TGM6: variants seen among roughly 807,000 people sequenced by gnomAD.
TGM6 encodes transglutaminase 6, also known as protein-glutamine gamma-glutamyltransferase 6.
TGM6 carries 74 observed loss-of-function variants against 77.5 expected under a neutral mutation model. That is an observed-to-expected ratio of 0.96 (90% CI 0.79 to 1.16). The LOEUF is 1.16. Among genes scored for constraint, TGM6 ranks in the 50% most tolerant of loss-of-function variants. TGM6 has a pLI of 0.00. For missense variants in TGM6, 968 were observed against 940.2 expected, an observed-to-expected ratio of 1.03 and a Z score of -0.39; for synonymous variants, 383 against 378.9, an observed-to-expected ratio of 1.01 and a Z score of -0.12.
At chr20:2,382,717 GACTGA>G (rs1289443108) in intron 1 of TGM6, among the ~76,000 whole-genome samples, 1 of 152,124 alleles carries the variant, frequency 6.6e-6, no homozygotes, top group East Asian at 1.9e-4. Context: ...GTGCCTGAAT[GACTGA>G]GACATCAGAT....
At chr20:2,416,930 C>A (rs1379495616) in intron 9 of TGM6, among the ~76,000 whole-genome samples, 1 of 152,054 alleles carries the variant, frequency 6.6e-6, no homozygotes, top group African/African-American at 2.4e-5. Flanking sequence ...CTCTGTAGTA[C>A]CTCCTAGAGA....
chr20:2,385,339 A>G (rs1056869312), intron 1 of TGM6, among the ~76,000 whole-genome samples: 1 of 151,978 alleles, frequency 6.6e-6, no homozygotes, highest in African/African-American at 2.4e-5. Context: ...CAATCTTCAC[A>G]TCAGCACTCT....
chr20:2,413,418 C>T (rs1400514999), intron 9 of TGM6, among the ~76,000 whole-genome samples: 1 of 152,042 alleles, frequency 6.6e-6, no homozygotes, highest in Non-Finnish European at 1.5e-5. Flanking sequence ...CAAAAATAAA[C>T]AGACAAGACA....
Position 2,432,597 on chromosome 20 carries a change from C to A in TGM6, c.2075C>A (p.Pro692Gln), listed in dbSNP as rs754398234. ...GTGGACCTTGTAAGCCCTCACTTCC[C>A]GGACATCAAGGGCTTTGTGATCGTC... ...LQVDLVSPHF[P>Q]DIKGFVIVHV... Residue 692 changes from proline to glutamine, a missense_variant, in exon 13 of 13, where the codon CCG becomes CAG. By Grantham distance (76) the Pro-to-Gln change is moderately conservative. Transcript: ENST00000202625. 1 of 1,614,114 alleles carries A rather than the reference C, an allele frequency of 6.2e-7. No individual in the cohort carries two copies. Among genetic ancestry groups the A allele is most frequent in the African/African-American group, 1.3e-5 (1 of 75,018 alleles).
At chr20:2,425,453 T>A (rs1599970819) in intron 10 of TGM6, among the ~76,000 whole-genome samples, 1 of 152,148 alleles carries the variant, frequency 6.6e-6, no homozygotes, top group East Asian at 1.9e-4. Context: ...AAACTTCAAT[T>A]TGTAAAAAAT....
chr20:2,413,472 G>A (rs2092633), intron 9 of TGM6, among the ~76,000 whole-genome samples: 42,693 of 151,992 alleles, frequency 0.28, 8,191 homozygotes, highest in African/African-American at 0.54. Flanking sequence ...TGTGATACTG[G>A]CATGAGAATG....
In TGM6 at chr20:2,430,547, G is replaced by A; in HGVS notation, c.1780G>A (p.Glu594Lys). 6.2e-7 allele frequency: 1 copy of A among 1,614,212 alleles called. No individual in the cohort carries two copies. The highest frequency in any genetic ancestry group is 1.1e-5 in the South Asian group (1 of 91,084). ...LAAMCLVTKG[E>K]KLLVEKDITL... ...TGCCATGTGCCTTGTCACCAAAGGA[G>A]AGAAGCTTCTGGTGGAGAAGGACAT... is the stretch of plus-strand genomic sequence containing the variant. Residue 594 changes from glutamate (E) to lysine (K), a missense_variant, in exon 11 of 13, where the codon GAG (glutamate) becomes AAG (lysine). Transcript: ENST00000202625.
At chr20:2,395,945 C>T (rs1012943215) in intron 3 of TGM6, among the ~76,000 whole-genome samples, 5 of 152,054 alleles carry the variant, frequency 3.3e-5, no homozygotes, top group African/African-American at 9.7e-5. Context: ...CTTTGGGATG[C>T]CAAGGCAGGG....
intron 9 of TGM6, among the ~76,000 whole-genome samples, chr20:2,416,433 A>G (rs747033991): frequency 4.6e-5 from 7 of 152,170 alleles, no homozygotes; most frequent in Non-Finnish European, 8.8e-5. Context: ...TTTTCAATAA[A>G]TGGTGTTGGG....
chr20:2,398,759 G>A (rs570870944), intron 5 of TGM6, among the ~76,000 whole-genome samples: 1 of 152,030 alleles, frequency 6.6e-6, no homozygotes, highest in South Asian at 2.1e-4. Context: ...TCCGTGGGAG[G>A]CATGACAACT....
chr20:2,395,269 C>G lies in TGM6; in HGVS notation c.257C>G (p.Thr86Arg), dbSNP rs201071642. 33 of 1,614,112 alleles carry G rather than the reference C, an allele frequency of 2.0e-5. No homozygotes were observed. The South Asian group carries it at 3.5e-4, about 17-fold the overall frequency. ...GAGCTGGAGCGGGGTGAGGGCTGGA[C>G]AGCAGCAAGGGAGGCTCAGATGGAG... ...TSELERGEGW[T>R]AAREAQMEKT... Residue 86 changes from threonine to arginine, a missense_variant, in exon 3 of 13, where the codon ACA becomes AGA. Physicochemically the swap from Thr to Arg is moderately conservative, Grantham distance 71. Transcript: ENST00000202625.
intron 1 of TGM6, among the ~76,000 whole-genome samples, chr20:2,391,865 A>C (rs1291081401): frequency 6.6e-6 from 1 of 151,992 alleles, no homozygotes; most frequent in Non-Finnish European, 1.5e-5. Flanking sequence ...CTCCAACCTC[A>C]TTGCCTTCCC....
Position 2,422,505 on chromosome 20 carries a change from A to C in TGM6, c.1678+4932A>C, listed in dbSNP as rs1307002813. Reference sequence around the variant, plus strand: ...AATATTGCAATAAAGCAAGTCACACAAATGTTTTGGTTTCCCAGTGCATAT... The same window carrying C: ...AATATTGCAATAAAGCAAGTCACACCAATGTTTTGGTTTCCCAGTGCATAT... On this transcript the variant is annotated intron_variant, in intron 10 of 12. Transcript: ENST00000202625. Among the ~76,000 whole-genome samples, 3 of 152,244 alleles carry C rather than the reference A, an allele frequency of 2.0e-5. No homozygotes were observed. The East Asian group carries it at 5.8e-4, about 29-fold the overall frequency.
At chr20:2,430,075 T>C (rs1349129385) in intron 10 of TGM6, among the ~76,000 whole-genome samples, 1 of 152,176 alleles carries the variant, frequency 6.6e-6, no homozygotes, top group Non-Finnish European at 1.5e-5. Context: ...AGGTGCTCAA[T>C]AAACAGAGAA....
At chr20:2,406,689 G>A (rs1276715424) in intron 9 of TGM6, among the ~76,000 whole-genome samples, 2 of 151,368 alleles carry the variant, frequency 1.3e-5, no homozygotes, top group African/African-American at 4.8e-5. Flanking sequence ...TACAAAATTA[G>A]CCAGGCATGG....
intron 1 of TGM6, among the ~76,000 whole-genome samples, chr20:2,392,641 A>T (rs1413722669): frequency 1.3e-5 from 2 of 152,234 alleles, no homozygotes; most frequent in Non-Finnish European, 2.9e-5. Context: ...GGCCAGGAAC[A>T]GTGGTCACGC....
chr20:2,421,796 T>C (rs900208606), intron 10 of TGM6, among the ~76,000 whole-genome samples: 1 of 152,248 alleles, frequency 6.6e-6, no homozygotes, highest in Non-Finnish European at 1.5e-5. Flanking sequence ...GTCCAACTTA[T>C]CAATTTTTTC....
intron 9 of TGM6, among the ~76,000 whole-genome samples, chr20:2,409,887 C>G (rs2084774221): frequency 6.6e-6 from 1 of 152,074 alleles, no homozygotes; most frequent in Non-Finnish European, 1.5e-5. Flanking sequence ...AATTGATAAA[C>G]CTTTAGCTAG....
intron 1 of TGM6, among the ~76,000 whole-genome samples, chr20:2,388,868 T>C (rs562877148): frequency 6.6e-6 from 1 of 152,370 alleles, no homozygotes; most frequent in African/African-American, 2.4e-5. Context: ...AAGAGTTGCA[T>C]GACAAGTGTC....
Sources: allele counts gnomAD v4.1 joint callset (sites outside exome capture counted in the v4.1 genomes callset), GRCh38; gene constraint gnomAD v4.1.1; transcripts MANE v1.5; gene names NCBI Gene and HGNC (gene_info 2026-07-23, HGNC 2026-07-21).